LIN7A: variants seen among roughly 807,000 people sequenced by gnomAD.
LIN7A encodes the protein protein lin-7 homolog A.
LIN7A carries 25 observed loss-of-function variants against 29.8 expected under a neutral mutation model. The ratio of observed to expected loss-of-function variants is 0.84; its 90% confidence interval spans 0.61 to 1.17. The LOEUF is 1.17. Among genes scored for constraint, LIN7A ranks in the 50% most tolerant of loss-of-function variants. The probability of loss-of-function intolerance (pLI) is 0.00; values close to 1 mark genes in which losing one functional copy is unlikely to be tolerated. For missense variants in LIN7A, 239 were observed against 287.0 expected (o/e 0.83, Z 1.21); for synonymous variants, 118 against 107.5 (o/e 1.10, Z -0.60).
intron 2 of LIN7A, among the ~76,000 whole-genome samples, chr12:80,888,577 C>T (rs1272874071): frequency 6.6e-6 from 1 of 152,086 alleles, no homozygotes; most frequent in African/African-American, 2.4e-5. Flanking sequence ...TGAATTATTA[C>T]CTGGTTCCTG....
At chr12:80,819,280 C>T (rs1871683754) in intron 4 of LIN7A, among the ~76,000 whole-genome samples, 1 of 152,158 alleles carries the variant, frequency 6.6e-6, no homozygotes, top group Non-Finnish European at 1.5e-5. Context: ...TATGATGTTT[C>T]ATCTTTCCCT....
intron 4 of LIN7A, chr12:80,832,504 A>G: frequency 2.1e-6 from 1 of 473,360 alleles, no homozygotes; most frequent in Non-Finnish European, 4.4e-6. Flanking sequence ...ATTGAGATCA[A>G]GCCTTGGATG....
intron 1 of LIN7A, among the ~76,000 whole-genome samples, chr12:80,929,150 A>G (rs551171076): frequency 3.9e-5 from 6 of 152,340 alleles, no homozygotes; most frequent in Non-Finnish European, 5.9e-5. Flanking sequence ...AAAAACCTCA[A>G]TTACTTTTGC....
At chr12:80,896,897 T>G (rs937560236) in intron 1 of LIN7A, among the ~76,000 whole-genome samples, 1 of 152,150 alleles carries the variant, frequency 6.6e-6, no homozygotes, top group Non-Finnish European at 1.5e-5. Context: ...TCTTAAGAGA[T>G]TCTCTGGAGG....
At chr12:80,867,699 T>C (rs1874214240) in intron 2 of LIN7A, among the ~76,000 whole-genome samples, 1 of 152,204 alleles carries the variant, frequency 6.6e-6, no homozygotes, top group Admixed American at 6.5e-5. Flanking sequence ...TTCAGAGGAA[T>C]ATCAACCATA....
chr12:80,842,085 G>A (rs1565898038), intron 4 of LIN7A: 2 of 1,286,984 alleles, frequency 1.6e-6, no homozygotes, highest in Non-Finnish European at 2.0e-6. Flanking sequence ...CCCAATGATT[G>A]CTGAGCTGAC....
At chr12:80,833,795 T>C (rs545724973) in intron 4 of LIN7A, among the ~76,000 whole-genome samples, 30 of 152,318 alleles carry the variant, frequency 2.0e-4, no homozygotes, top group African/African-American at 7.0e-4. Flanking sequence ...AAATGCTTCT[T>C]ATTATATATA....
chr12:80,921,713 A>G (rs1877318676), intron 1 of LIN7A, among the ~76,000 whole-genome samples: 1 of 152,098 alleles, frequency 6.6e-6, no homozygotes, highest in Admixed American at 6.6e-5. Flanking sequence ...CAACATATGC[A>G]TTTTGGGGGG....
At chr12:80,935,455 G>T (rs755896390) in intron 1 of LIN7A, among the ~76,000 whole-genome samples, 8 of 152,192 alleles carry the variant, frequency 5.3e-5, no homozygotes, top group Non-Finnish European at 1.0e-4. Context: ...GGCACAGAGA[G>T]AATCTGATGT....
intron 1 of LIN7A, among the ~76,000 whole-genome samples, chr12:80,894,203 T>C (rs1218431399): frequency 1.3e-5 from 2 of 152,228 alleles, no homozygotes; most frequent in South Asian, 2.1e-4. Context: ...AACCTCCTGA[T>C]GCTTGTTTTA....
At chr12:80,880,577 G>C (rs186757899) in intron 2 of LIN7A, among the ~76,000 whole-genome samples, 36 of 152,286 alleles carry the variant, frequency 2.4e-4, no homozygotes, top group Admixed American at 3.9e-4. Context: ...ACGAATGCAT[G>C]CTGATGGTGA....
At chr12:80,854,401 C>T (rs1167458314) in intron 2 of LIN7A, among the ~76,000 whole-genome samples, 3 of 148,502 alleles carry the variant, frequency 2.0e-5, no homozygotes, top group Non-Finnish European at 4.4e-5. Flanking sequence ...ATAGTGAGAC[C>T]CCATCTCTAC....
chr12:80,819,778 G>T (rs1212523934), intron 4 of LIN7A, among the ~76,000 whole-genome samples: 2 of 152,130 alleles, frequency 1.3e-5, no homozygotes, highest in African/African-American at 4.8e-5. Context: ...CATACATAAA[G>T]CACTTGGAAC....
At position 80,909,707 on chromosome 12, in the gene LIN7A, C is replaced by T. The variant is rs78418117; in HGVS notation, c.83-20338G>A. On this transcript the variant is annotated intron_variant, in intron 1 of 5. Transcript: ENST00000552864. ...CCAAAGGCCCCACCTCCTAATAGTA[C>T]GGCCTTGGAAGTTATTATTTCAACA... Among the ~76,000 whole-genome samples the T allele has an allele frequency of 9.4e-3, 1,431 of 152,154 alleles. 18 individuals carry two copies. The highest frequency in any genetic ancestry group is 0.026 in the African/African-American group (1,074 of 41,516).
intron 2 of LIN7A, among the ~76,000 whole-genome samples, chr12:80,873,213 C>T (rs1302033000): frequency 6.6e-6 from 1 of 152,062 alleles, no homozygotes; most frequent in African/African-American, 2.4e-5. Context: ...AGGCTAATCC[C>T]CTCTCTCCTT....
intron 4 of LIN7A, among the ~76,000 whole-genome samples, chr12:80,825,747 T>C (rs1592866228): frequency 1.3e-5 from 2 of 152,096 alleles, no homozygotes; most frequent in East Asian, 3.9e-4. Flanking sequence ...AGATTTTTTT[T>C]TTTCTGTAAG....
chr12:80,821,286 T>C (rs747108807), intron 4 of LIN7A, among the ~76,000 whole-genome samples: 4 of 152,280 alleles, frequency 2.6e-5, no homozygotes, highest in Non-Finnish European at 4.4e-5. Context: ...GTTTTAGCAC[T>C]GAAAGTCCCA....
intron 2 of LIN7A, among the ~76,000 whole-genome samples, chr12:80,870,684 C>G (rs1222669470): frequency 6.6e-6 from 1 of 152,178 alleles, no homozygotes; most frequent in Non-Finnish European, 1.5e-5. Context: ...TAGACAAAGT[C>G]TCTTCTAACC....
chr12:80,881,607 A>G (rs1875039717), intron 2 of LIN7A, among the ~76,000 whole-genome samples: 1 of 147,362 alleles, frequency 6.8e-6, no homozygotes, highest in Non-Finnish European at 1.5e-5. Context: ...ACAAAAAGCA[A>G]AGAAAACAAA....
Sources: gnomAD v4.1 joint callset for allele counts (sites outside exome capture counted in the v4.1 genomes callset) on GRCh38, gnomAD v4.1.1 for gene constraint, MANE v1.5 for transcripts, NCBI Gene and HGNC (gene_info 2026-07-23, HGNC 2026-07-21) for gene names.